The following COL10A1 variants were observed in gnomAD, a reference collection of about 807,000 sequenced individuals.
The protein encoded by COL10A1 is collagen type X alpha 1 chain.
A neutral mutation model predicts 18.2 loss-of-function variants in COL10A1; 10 were observed. The observed-to-expected ratio is 0.55, with a 90% confidence interval of 0.34 to 0.93. The LOEUF is 0.93. Among genes scored for constraint, COL10A1 ranks in the 40% least tolerant of loss-of-function variants. The pLI is 0.02. For synonymous variants in COL10A1, 330 were observed against 316.6 expected, an observed-to-expected ratio of 1.04 and a Z score of -0.45; for missense variants, 897 against 853.5, an observed-to-expected ratio of 1.05 and a Z score of -0.64.
intron 1 of COL10A1, among the ~76,000 whole-genome samples, chr6:116,155,726 A>G (rs2114410704): frequency 6.6e-6 from 1 of 151,120 alleles, no homozygotes; most frequent in East Asian, 1.9e-4. Flanking sequence ...CACTGCATCT[A>G]CACAAAGAAA....
intron 2 of COL10A1, among the ~76,000 whole-genome samples, chr6:116,123,022 T>A (rs1779181828): frequency 6.6e-6 from 1 of 152,220 alleles, no homozygotes; most frequent in Admixed American, 6.5e-5. Flanking sequence ...GATATTGATA[T>A]ATTGCAAATA....
chr6:116,186,338 G>A, the COL10A1 span, among the ~76,000 whole-genome samples: 1 of 150,708 alleles, frequency 6.6e-6, no homozygotes, highest in African/African-American at 2.4e-5. Flanking sequence ...AGATAACCTG[G>A]TGACTGTGTG....
the COL10A1 span, among the ~76,000 whole-genome samples, chr6:116,196,364 A>G: frequency 6.6e-6 from 1 of 152,088 alleles, no homozygotes; most frequent in African/African-American, 2.4e-5. Flanking sequence ...AATATACACA[A>G]TGGGAAAGAG....
At chr6:116,140,475 C>T (rs12204816) in intron 1 of COL10A1, among the ~76,000 whole-genome samples, 21,801 of 152,012 alleles carry the variant, frequency 0.14, 2,182 homozygotes, top group Middle Eastern at 0.23. Flanking sequence ...ATATATCATT[C>T]TTTTATGCTA....
chr6:116,158,164 A>G (rs1474765722), intron 1 of COL10A1, among the ~76,000 whole-genome samples: 1 of 152,220 alleles, frequency 6.6e-6, no homozygotes, highest in African/African-American at 2.4e-5. Flanking sequence ...TTACAAATAA[A>G]TCTACATTGA....
the COL10A1 span, among the ~76,000 whole-genome samples, chr6:116,207,737 C>T: frequency 1.3e-5 from 2 of 152,058 alleles, no homozygotes; most frequent in South Asian, 4.2e-4. Context: ...CATTACTCAA[C>T]TGTGAACCCC....
chr6:116,136,994 A>G (rs1013358163), intron 1 of COL10A1: 23 of 164,444 alleles, frequency 1.4e-4, no homozygotes, highest in South Asian at 5.2e-4. Context: ...TGGAATACAC[A>G]CAAACACAGG....
chr6:116,154,188 A>G (rs1367201586), intron 1 of COL10A1, among the ~76,000 whole-genome samples: 4 of 152,126 alleles, frequency 2.6e-5, no homozygotes, highest in Non-Finnish European at 5.9e-5. Context: ...ACTTTTGGCT[A>G]TTTAATTGTA....
the COL10A1 span, among the ~76,000 whole-genome samples, chr6:116,215,106 T>C: frequency 1.2e-4 from 19 of 152,246 alleles, no homozygotes; most frequent in African/African-American, 4.3e-4. Flanking sequence ...AATTATTGCT[T>C]TCCTGGTTCT....
chr6:116,177,735 AAAT>A, the COL10A1 span, among the ~76,000 whole-genome samples: 5 of 152,122 alleles, frequency 3.3e-5, no homozygotes, highest in South Asian at 4.1e-4. Context: ...CTAAGTAATT[AAAT>A]AATAATATTC....
At chr6:116,189,821 C>T in the COL10A1 span, among the ~76,000 whole-genome samples, 1 of 151,954 alleles carries the variant, frequency 6.6e-6, no homozygotes, top group Non-Finnish European at 1.5e-5. Context: ...TAATGGTAGA[C>T]AGCAGTTACT....
intron 1 of COL10A1, among the ~76,000 whole-genome samples, chr6:116,157,045 T>A (rs1202882189): frequency 6.6e-6 from 1 of 152,156 alleles, no homozygotes; most frequent in Admixed American, 6.6e-5. Flanking sequence ...TAGCACTGCC[T>A]CCCTTCCACC....
chr6:116,199,999 T>A, the COL10A1 span, among the ~76,000 whole-genome samples: 5 of 115,348 alleles, frequency 4.3e-5, 1 homozygote, highest in African/African-American at 1.3e-4. Context: ...GTATGGAAAG[T>A]GGGGGGGGAA....
At chr6:116,182,960 C>T in the COL10A1 span, among the ~76,000 whole-genome samples, 20 of 152,158 alleles carry the variant, frequency 1.3e-4, no homozygotes, top group African/African-American at 4.3e-4. Context: ...AAACCAGTGT[C>T]TAGAAGGGTT....
At chr6:116,201,547 A>C in the COL10A1 span, among the ~76,000 whole-genome samples, 1 of 152,008 alleles carries the variant, frequency 6.6e-6, no homozygotes, top group Non-Finnish European at 1.5e-5. Context: ...CAGTGAGGTG[A>C]GCATTTGCCA....
the COL10A1 span, among the ~76,000 whole-genome samples, chr6:116,186,256 T>C: frequency 6.6e-6 from 1 of 152,058 alleles, no homozygotes; most frequent in East Asian, 1.9e-4. Context: ...TCTGATAGGT[T>C]TTCCTTTAAA....
chr6:116,164,345 CTTT>C, the COL10A1 span, among the ~76,000 whole-genome samples: 1 of 152,066 alleles, frequency 6.6e-6, no homozygotes, highest in African/African-American at 2.4e-5. Flanking sequence ...TCATACCCTT[CTTT>C]GTCTTTTTTT....
the COL10A1 span, among the ~76,000 whole-genome samples, chr6:116,206,346 A>G: frequency 5.3e-5 from 8 of 152,112 alleles, no homozygotes; most frequent in East Asian, 1.9e-4. Context: ...AATTCACACA[A>G]TTACCTAATG....
At chr6:116,165,458 C>A in the COL10A1 span, among the ~76,000 whole-genome samples, 2 of 152,198 alleles carry the variant, frequency 1.3e-5, no homozygotes, top group South Asian at 4.1e-4. Flanking sequence ...CTTCTTCTTT[C>A]TCAGGAATAC....
Sources: allele counts gnomAD v4.1 joint callset (sites outside exome capture counted in the v4.1 genomes callset), GRCh38; gene constraint gnomAD v4.1.1; transcripts MANE v1.5; gene names NCBI Gene and HGNC (gene_info 2026-07-23, HGNC 2026-07-21).